SEC24B: variants seen among roughly 807,000 people sequenced by gnomAD.
SEC24B encodes the protein SEC24 homolog B, COPII component.
SEC24B carries 45 observed loss-of-function variants against 142.8 expected under a neutral mutation model. That is an observed-to-expected ratio of 0.32 (90% CI 0.25 to 0.40). The LOEUF is 0.40. Among genes scored for constraint, SEC24B ranks in the 10% least tolerant of loss-of-function variants. The pLI, the probability that SEC24B is intolerant of heterozygous loss-of-function variation, is 1.00. For missense variants in SEC24B, 1,409 were observed against 1,526.8 expected, an observed-to-expected ratio of 0.92 and a Z score of 1.29; for synonymous variants, 574 against 568.2, an observed-to-expected ratio of 1.01 and a Z score of -0.15.
intron 4 of SEC24B, among the ~76,000 whole-genome samples, chr4:109,482,975 T>TACACACACACACACAC (rs1213872850): frequency 1.8e-5 from 1 of 54,976 alleles, no homozygotes; most frequent in African/African-American, 9.3e-5. Context: ...TATATATATA[T>TACACACACACACACAC]ATATACACAC....
At position 109,504,979 on chromosome 4, in the gene SEC24B, G is replaced by A. The variant is rs531575201; in HGVS notation, c.1489-1349G>A. Among the ~76,000 whole-genome samples, 49 of 152,172 alleles carry A rather than the reference G, an allele frequency of 3.2e-4. No individual in the cohort carries two copies. The South Asian group carries it at 0.01, about 32-fold the overall frequency. On this transcript the variant is annotated intron_variant, in intron 6 of 23. Coordinates refer to ENST00000265175, the MANE Select transcript of SEC24B (RefSeq NM_006323.5). ...CCAGGACATTTTTTTAGTTGAAAAG[G>A]GGGCTATATTTACAACAGTATATAT...
At chr4:109,486,037 C>A (rs1734315161) in intron 4 of SEC24B, among the ~76,000 whole-genome samples, 1 of 152,110 alleles carries the variant, frequency 6.6e-6, no homozygotes, top group African/African-American at 2.4e-5. Context: ...AGGTATCTGT[C>A]TTGTTTTGTT....
At chr4:109,471,122 C>T (rs1410550091) in intron 2 of SEC24B, among the ~76,000 whole-genome samples, 6 of 152,030 alleles carry the variant, frequency 3.9e-5, no homozygotes, top group Non-Finnish European at 7.4e-5. Flanking sequence ...CATACATGTA[C>T]GTACACATAT....
intron 9 of SEC24B, 65 bp from the exon 10 acceptor site, chr4:109,513,682 G>A (rs757834460): frequency 1.3e-5 from 11 of 827,018 alleles, no homozygotes; most frequent in Non-Finnish European, 1.9e-5. Flanking sequence ...TTTATTTTTA[G>A]GTGTGTATAT....
intron 4 of SEC24B, among the ~76,000 whole-genome samples, chr4:109,485,794 G>T (rs983066510): frequency 2.0e-5 from 3 of 152,168 alleles, no homozygotes; most frequent in African/African-American, 7.2e-5. Flanking sequence ...TAGCGATTTG[G>T]AGTGCTCTAC....
At chr4:109,535,464 G>A (rs1022379396) in intron 22 of SEC24B, among the ~76,000 whole-genome samples, 1 of 152,108 alleles carries the variant, frequency 6.6e-6, no homozygotes, top group African/African-American at 2.4e-5. Flanking sequence ...GCTGAAGTAG[G>A]AGAACCACTT....
intron 1 of SEC24B, among the ~76,000 whole-genome samples, 185 bp downstream of exon 1, chr4:109,434,187 G>A (rs1031741384): frequency 6.6e-6 from 1 of 151,184 alleles, no homozygotes; most frequent in Non-Finnish European, 1.5e-5. Context: ...GGGCAGGGAA[G>A]GCACGGCGCG....
rs140324690 is a variant in SEC24B at position 109,440,233 on chromosome 4, G to A, written c.133+6231G>A. Among the ~76,000 whole-genome samples the A allele has an allele frequency of 3.0e-3, 460 of 152,000 alleles. 3 individuals are homozygous for A. The highest frequency in any genetic ancestry group is 0.01 in the African/African-American group (415 of 41,460). ...ATATATTGCTTTAGTTGTTTGCAGT[G>A]TCTTTTCACTCCCTTCCTCTCCCCC... On this transcript the variant is annotated intron_variant, in intron 1 of 23. Coordinates refer to ENST00000265175, the MANE Select transcript of SEC24B (RefSeq NM_006323.5).
chr4:109,537,372 C>T (rs573963857), intron 22 of SEC24B, among the ~76,000 whole-genome samples: 21 of 152,208 alleles, frequency 1.4e-4, no homozygotes, highest in African/African-American at 5.1e-4. Context: ...CTTTATGACA[C>T]GGTAAATTAT....
chr4:109,508,292 T>C (rs961883244), intron 7 of SEC24B, among the ~76,000 whole-genome samples: 1 of 152,116 alleles, frequency 6.6e-6, no homozygotes, highest in African/African-American at 2.4e-5. Context: ...GGGCCATGCA[T>C]AGTAGCTCAC....
intron 1 of SEC24B, among the ~76,000 whole-genome samples, chr4:109,435,024 T>TC (rs1728272265): frequency 6.6e-6 from 1 of 152,236 alleles, no homozygotes; most frequent in South Asian, 2.1e-4. Context: ...GAAAAATACC[T>TC]CTGTCCTGTG....
chr4:109,506,600 T>C, intron 7 of SEC24B, 88 bp downstream of exon 7: 1 of 982,552 alleles, frequency 1.0e-6, no homozygotes, highest in Admixed American at 2.9e-5. Context: ...TGTTATTTCT[T>C]CGGTTGGAAG....
intron 11 of SEC24B, among the ~76,000 whole-genome samples, chr4:109,520,014 A>G (rs1236975045): frequency 6.6e-6 from 1 of 152,216 alleles, no homozygotes. Context: ...TAAAAGATTA[A>G]TGATAGATAA....
At chr4:109,437,002 G>A (rs1451661251) in intron 1 of SEC24B, among the ~76,000 whole-genome samples, 1 of 152,184 alleles carries the variant, frequency 6.6e-6, no homozygotes, top group Non-Finnish European at 1.5e-5. Flanking sequence ...CTAAGGAGGG[G>A]GTAGTAGAAA....
intron 1 of SEC24B, among the ~76,000 whole-genome samples, chr4:109,447,923 C>G (rs1229902007): frequency 1.3e-5 from 2 of 152,216 alleles, no homozygotes; most frequent in Non-Finnish European, 2.9e-5. Context: ...CCTTTGTCAG[C>G]TAGCTTCTGG....
At chr4:109,506,969 A>G (rs555992992) in intron 7 of SEC24B, among the ~76,000 whole-genome samples, 2 of 152,092 alleles carry the variant, frequency 1.3e-5, no homozygotes, top group African/African-American at 4.8e-5. Context: ...CTCAATATAG[A>G]GTATGAAGAC....
Position 109,511,899 on chromosome 4 carries a change from G to A in SEC24B, c.1777-58G>A, listed in dbSNP as rs569644212. The A allele has an allele frequency of 4.3e-5, 67 of 1,567,728 alleles. No homozygotes were observed. In the East Asian group the frequency reaches 1.3e-3, roughly 30 times the overall value. On this transcript the variant is annotated intron_variant, in intron 8 of 23. Coordinates refer to ENST00000265175, the MANE Select transcript of SEC24B (RefSeq NM_006323.5). The stretch of plus-strand genomic sequence containing the variant: ...CTGTATTTGGAGCAGATCTGTGTAC[G>A]TTCTGTTTTTCCTTGGGGTGCCTTT...
At chr4:109,447,002 T>C (rs574039927) in intron 1 of SEC24B, among the ~76,000 whole-genome samples, 1 of 152,338 alleles carries the variant, frequency 6.6e-6, no homozygotes, top group East Asian at 1.9e-4. Context: ...AGTTCTGTCA[T>C]AAGGGTCCAA....
intron 10 of SEC24B, 83 bp from the exon 11 acceptor site, chr4:109,516,445 G>A: frequency 1.3e-6 from 1 of 753,208 alleles, no homozygotes; most frequent in Non-Finnish European, 2.2e-6. Context: ...AATATATTCA[G>A]TAAATATCCA....
Sources: gnomAD v4.1 joint callset for allele counts (sites outside exome capture counted in the v4.1 genomes callset) on GRCh38, gnomAD v4.1.1 for gene constraint, MANE v1.5 for transcripts, NCBI Gene and HGNC (gene_info 2026-07-23, HGNC 2026-07-21) for gene names.